BNC2: variants seen among roughly 807,000 people sequenced by gnomAD.
BNC2 encodes the protein zinc finger protein basonuclin-2.
In BNC2, 20 loss-of-function variants were observed where a neutral mutation model predicts 76.3. That is an observed-to-expected ratio of 0.26 (90% confidence interval 0.18 to 0.38). BNC2 has a LOEUF of 0.38. BNC2 is among the 10% of genes least tolerant of loss of function. The pLI is 1.00. For missense variants in BNC2, 1,382 were observed against 1,399.8 expected (o/e 0.99, Z 0.20); for synonymous variants, 582 against 514.8 (o/e 1.13, Z -1.77).
chr9:16,772,305 G>A (rs566832267), intron 1 of BNC2, among the ~76,000 whole-genome samples: 95 of 152,060 alleles, frequency 6.2e-4, no homozygotes, highest in African/African-American at 2.1e-3. Flanking sequence ...CTCCTACAGG[G>A]GCAAGTGAAT....
At chr9:16,806,374 A>G (rs1817912070) in intron 1 of BNC2, among the ~76,000 whole-genome samples, 1 of 152,108 alleles carries the variant, frequency 6.6e-6, no homozygotes. Context: ...TTCTTTCTAA[A>G]AAAGAAAAAA....
At chr9:16,549,441 C>T (rs1023084034) in intron 5 of BNC2, among the ~76,000 whole-genome samples, 16 of 152,100 alleles carry the variant, frequency 1.1e-4, no homozygotes, top group Non-Finnish European at 4.4e-5. Flanking sequence ...AAATTGATGC[C>T]TTGAGGGCTA....
intron 3 of BNC2, among the ~76,000 whole-genome samples, chr9:16,606,075 GC>G (rs1166138320): frequency 1.3e-5 from 2 of 152,034 alleles, no homozygotes; most frequent in African/African-American, 4.8e-5. Flanking sequence ...CATTTAGAGT[GC>G]CTGCTGCTAG....
At chr9:16,454,692 C>T (rs953652133) in intron 5 of BNC2, among the ~76,000 whole-genome samples, 57 of 152,296 alleles carry the variant, frequency 3.7e-4, no homozygotes, top group Admixed American at 3.6e-3. Context: ...CCTTCTTTAG[C>T]GACATCCTTA....
chr9:16,839,437 A>G (rs1818776663), intron 1 of BNC2, among the ~76,000 whole-genome samples: 1 of 152,216 alleles, frequency 6.6e-6, no homozygotes, highest in South Asian at 2.1e-4. Flanking sequence ...GCTATCCTAG[A>G]ATAGAAATAA....
chr9:16,707,493 AAG>A (rs1823714370), intron 3 of BNC2, among the ~76,000 whole-genome samples: 1 of 152,190 alleles, frequency 6.6e-6, no homozygotes, highest in Admixed American at 6.5e-5. Context: ...GGCCTATGAA[AAG>A]AGGTCTGTGA....
intron 1 of BNC2, among the ~76,000 whole-genome samples, chr9:16,838,047 A>G (rs1818748060): frequency 6.6e-6 from 1 of 152,242 alleles, no homozygotes; most frequent in Admixed American, 6.5e-5. Flanking sequence ...GCCAAACCCT[A>G]ACAAGATCAC....
At chr9:16,860,349 T>A (rs1819366683) in intron 1 of BNC2, among the ~76,000 whole-genome samples, 1 of 152,086 alleles carries the variant, frequency 6.6e-6, no homozygotes, top group African/African-American at 2.4e-5. Flanking sequence ...GAAAGATCAA[T>A]GGAATAGAAC....
chr9:16,739,621 G>A (rs890339594), intron 1 of BNC2, among the ~76,000 whole-genome samples: 1 of 152,138 alleles, frequency 6.6e-6, no homozygotes, highest in South Asian at 2.1e-4. Flanking sequence ...GCAGTGAGCG[G>A]AGATTGTGCC....
At chr9:16,698,552 G>T (rs1366401493) in intron 3 of BNC2, among the ~76,000 whole-genome samples, 2 of 152,236 alleles carry the variant, frequency 1.3e-5, no homozygotes, top group South Asian at 2.1e-4. Context: ...AATTAGCTGG[G>T]CGTGGTGGCG....
rs146372204 is a variant in BNC2 at position 16,443,325 on chromosome 9, G to T, written c.670-5801C>A. On this transcript the variant is annotated intron_variant, in intron 5 of 6. Coordinates refer to ENST00000380672, the MANE Select transcript of BNC2 (RefSeq NM_017637.6). ...ATTTTTTCATGTCTAGATTGGCACA[G>T]TGTGCTATCTTAAGAAATTATTTCA... Among the ~76,000 whole-genome samples the T allele has an allele frequency of 4.1e-3, 629 of 152,218 alleles. 1 individual carries two copies. Among genetic ancestry groups the T allele is most frequent in the Middle Eastern group, 0.02 (6 of 294 alleles).
intron 1 of BNC2, among the ~76,000 whole-genome samples, chr9:16,789,026 C>T (rs10810632): frequency 0.85 from 130,020 of 152,162 alleles, 56,088 homozygotes; most frequent in Non-Finnish European, 0.92. Flanking sequence ...CATCCTCCAA[C>T]CAAATCTCAC....
intron 5 of BNC2, among the ~76,000 whole-genome samples, chr9:16,545,970 TTATGCCACTAGTA>T (rs1437634556): frequency 6.6e-6 from 1 of 152,248 alleles, no homozygotes; most frequent in Non-Finnish European, 1.5e-5. Flanking sequence ...TTCTGCTGTG[TTATGCCACTAGTA>T]GTATTTCAGG....
At chr9:16,842,334 A>G (rs1818853147) in intron 1 of BNC2, among the ~76,000 whole-genome samples, 1 of 152,218 alleles carries the variant, frequency 6.6e-6, no homozygotes, top group Admixed American at 6.5e-5. Context: ...AGGAAAAAGA[A>G]ACGAATGGGT....
intron 3 of BNC2, among the ~76,000 whole-genome samples, chr9:16,670,211 C>G (rs72704089): frequency 6.6e-6 from 1 of 152,134 alleles, no homozygotes; most frequent in Non-Finnish European, 1.5e-5. Flanking sequence ...TTGGAAAATG[C>G]CAGTAAAGAT....
At chr9:16,586,129 G>A (rs899518258) in intron 3 of BNC2, among the ~76,000 whole-genome samples, 13 of 151,462 alleles carry the variant, frequency 8.6e-5, no homozygotes, top group African/African-American at 4.9e-5. Flanking sequence ...AAAGTTTGTC[G>A]TTCACAGAAT....
At chr9:16,522,149 C>T (rs955346711) in intron 5 of BNC2, among the ~76,000 whole-genome samples, 8 of 152,180 alleles carry the variant, frequency 5.3e-5, no homozygotes, top group Non-Finnish European at 8.8e-5. Context: ...TCCCAGCACT[C>T]CCTGAAAAGG....
chr9:16,673,364 C>T (rs1822536585), intron 3 of BNC2, among the ~76,000 whole-genome samples: 1 of 151,074 alleles, frequency 6.6e-6, no homozygotes. Context: ...GAAAGCACTT[C>T]ATTCTTCTAG....
At chr9:16,665,156 G>A (rs1399904365) in intron 3 of BNC2, 12 of 435,578 alleles carry the variant, frequency 2.8e-5, no homozygotes, top group Non-Finnish European at 5.0e-5. Context: ...ATCACCTGAG[G>A]TCAGGAGTTT....
Sources: allele counts gnomAD v4.1 joint callset (sites outside exome capture counted in the v4.1 genomes callset), GRCh38; gene constraint gnomAD v4.1.1; transcripts MANE v1.5; gene names NCBI Gene and HGNC (gene_info 2026-07-23, HGNC 2026-07-21).